BMPR1A: variants seen among roughly 807,000 people sequenced by gnomAD.
The protein encoded by BMPR1A is bone morphogenetic protein receptor type 1A.
BMPR1A carries 7 observed loss-of-function variants against 66.0 expected under a neutral mutation model. The observed-to-expected ratio is 0.11, with a 90% CI of 0.06 to 0.20. The LOEUF (loss-of-function observed/expected upper bound fraction) is 0.20. BMPR1A is among the 10% of genes least tolerant of loss of function. The pLI is 1.00. For missense variants in BMPR1A, 408 were observed against 669.1 expected (o/e 0.61, Z 4.31); for synonymous variants, 200 against 229.7 (o/e 0.87, Z 1.17).
chr10:86,919,812 A>G (rs1043564205), intron 10 of BMPR1A, among the ~76,000 whole-genome samples: 7 of 152,008 alleles, frequency 4.6e-5, no homozygotes, highest in South Asian at 2.1e-4. Flanking sequence ...GGCTCAAGCA[A>G]TCCTCCCACC....
chr10:86,907,125 A>C (rs955224391), intron 7 of BMPR1A, among the ~76,000 whole-genome samples: 4 of 152,214 alleles, frequency 2.6e-5, no homozygotes, highest in Non-Finnish European at 5.9e-5. Context: ...GTTCTGTGAA[A>C]GGCCCTCCTG....
rs373008497 is a variant in BMPR1A at position 86,776,601 on chromosome 10, G to C, written c.-268+19682G>C. Reference sequence around the variant, plus strand: ...GACCCCCTTTCCTTGGGCCTGGAGGGGTTATCCTTTACCCCCTTTGCTACT... The same window carrying C: ...GACCCCCTTTCCTTGGGCCTGGAGGCGTTATCCTTTACCCCCTTTGCTACT... On this transcript the variant is annotated intron_variant, in intron 1 of 12. Transcript: ENST00000372037. 2.4e-4 allele frequency among the ~76,000 whole-genome samples: 37 copies of C among 152,098 alleles called. 1 individual carries two copies. The East Asian group carries it at 4.6e-3, about 19-fold the overall frequency.
intron 2 of BMPR1A, among the ~76,000 whole-genome samples, chr10:86,856,422 T>C (rs112962663): frequency 5.3e-5 from 8 of 152,224 alleles, no homozygotes; most frequent in African/African-American, 1.4e-4. Flanking sequence ...GCCCACGTTA[T>C]CTTAAGGGTG....
At position 86,830,845 on chromosome 10, in the gene BMPR1A, G is replaced by GT. The variant is rs543451981; in HGVS notation, c.-267-8011dup. ...ATTTTGTTGAAGTTCAGTTTATCGT[G>GT]TTTTTTTTTCTTTCATGGATTGTAT... On this transcript the variant is annotated intron_variant, in intron 1 of 12. Coordinates refer to ENST00000372037, the MANE Select transcript of BMPR1A (RefSeq NM_004329.3). 1.4e-3 allele frequency among the ~76,000 whole-genome samples: 209 copies of GT among 149,876 alleles called. 1 individual carries two copies. Among genetic ancestry groups the GT allele is most frequent in the Middle Eastern group, 3.4e-3 (1 of 290 alleles).
At chr10:86,839,402 G>A (rs763155067) in intron 2 of BMPR1A, among the ~76,000 whole-genome samples, 1 of 152,090 alleles carries the variant, frequency 6.6e-6, no homozygotes, top group Non-Finnish European at 1.5e-5. Flanking sequence ...AGACCAGCCT[G>A]GCCAACATGG....
chr10:86,847,991 G>C (rs2133163265), intron 2 of BMPR1A, among the ~76,000 whole-genome samples: 1 of 151,428 alleles, frequency 6.6e-6, no homozygotes, highest in African/African-American at 2.4e-5. Flanking sequence ...GAGTACAGTG[G>C]TGCCATCTTG....
chr10:86,923,573 G>A (rs2133623471), intron 12 of BMPR1A, 21 bp from the exon 13 acceptor site: 3 of 1,614,202 alleles, frequency 1.9e-6, no homozygotes, highest in Non-Finnish European at 2.5e-6. Flanking sequence ...TCTGCTCACT[G>A]AACATCTCTT....
At chr10:86,855,630 G>T in intron 2 of BMPR1A, 1 of 657,444 alleles carries the variant, frequency 1.5e-6, no homozygotes, top group South Asian at 2.0e-5. Context: ...TGTAAAGGAA[G>T]TTCACATGTG....
intron 2 of BMPR1A, 135 bp from the exon 3 acceptor site, chr10:86,875,732 C>T: frequency 2.4e-6 from 1 of 419,684 alleles, no homozygotes. Flanking sequence ...AAAAAAAAAG[C>T]AAGGATACCT....
Position 86,862,034 on chromosome 10 carries a change from C to T in BMPR1A, c.-152-13833C>T, listed in dbSNP as rs1422190103. On this transcript the variant is annotated intron_variant, in intron 2 of 12. Coordinates refer to ENST00000372037, the MANE Select transcript of BMPR1A (RefSeq NM_004329.3). The stretch of plus-strand genomic sequence containing the variant: ...TTTAGTATCGACTCTGTGCCAGGCA[C>T]TGTTCCAGGTGCTAAAAATATAAAG... 2.6e-5 allele frequency among the ~76,000 whole-genome samples: 4 copies of T among 152,230 alleles called. No homozygotes were observed. The East Asian group carries it at 7.7e-4, about 29-fold the overall frequency.
chr10:86,802,887 G>A (rs752065740), intron 1 of BMPR1A, among the ~76,000 whole-genome samples: 5 of 151,300 alleles, frequency 3.3e-5, no homozygotes, highest in Admixed American at 1.3e-4. Context: ...CGTGGACAAC[G>A]TAGTGAGACT....
At chr10:86,800,025 C>T (rs1190973739) in intron 1 of BMPR1A, among the ~76,000 whole-genome samples, 1 of 152,004 alleles carries the variant, frequency 6.6e-6, no homozygotes, top group Admixed American at 6.6e-5. Flanking sequence ...GTAGATGAAC[C>T]ATGATTCTTT....
intron 1 of BMPR1A, among the ~76,000 whole-genome samples, chr10:86,784,874 A>G (rs1018733437): frequency 2.0e-5 from 3 of 151,356 alleles, no homozygotes; most frequent in Admixed American, 6.6e-5. Context: ...TCTGATTTTA[A>G]TTATTTGAGT....
At chr10:86,905,147 C>T (rs965008150) in intron 7 of BMPR1A, among the ~76,000 whole-genome samples, 25 of 152,134 alleles carry the variant, frequency 1.6e-4, no homozygotes, top group Admixed American at 9.8e-4. Flanking sequence ...AATTTAGATA[C>T]GTCTGCAATT....
intron 8 of BMPR1A, among the ~76,000 whole-genome samples, chr10:86,914,129 AAC>A (rs1843529171): frequency 2.6e-5 from 4 of 152,016 alleles, no homozygotes; most frequent in African/African-American, 9.7e-5. Flanking sequence ...AAAAAAAAAA[AAC>A]AAAAAGATGC....
rs182663646 is a variant in BMPR1A, at chr10:86,830,753, A to T, written c.-267-8112A>T. Among the ~76,000 whole-genome samples the T allele has an allele frequency of 4.7e-4, 72 of 152,068 alleles. 2 individuals carry two copies. In the East Asian group the frequency reaches 0.012, roughly 25 times the overall value. ...TATCACATATATTGTTAGCAAATAT[A>T]TTTTCCTAGCCTGTACCTCATTTTT... On this transcript the variant is annotated intron_variant, in intron 1 of 12. Coordinates refer to ENST00000372037, the MANE Select transcript of BMPR1A (RefSeq NM_004329.3).
chr10:86,781,857 CTTTTTTT>C (rs1162095658), intron 1 of BMPR1A, among the ~76,000 whole-genome samples: 16 of 84,224 alleles, frequency 1.9e-4, no homozygotes, highest in East Asian at 6.8e-4. Context: ...GACAGGATTT[CTTTTTTT>C]TTTTTTTTTT....
intron 1 of BMPR1A, among the ~76,000 whole-genome samples, chr10:86,774,797 C>G (rs900957976): frequency 1.3e-5 from 2 of 152,002 alleles, no homozygotes; most frequent in African/African-American, 2.4e-5. Context: ...GTCATTTACA[C>G]TAAATAAATC....
At chr10:86,859,357 T>TG (rs745907864) in intron 2 of BMPR1A, among the ~76,000 whole-genome samples, 5 of 151,996 alleles carry the variant, frequency 3.3e-5, no homozygotes, top group Non-Finnish European at 7.4e-5. Flanking sequence ...AGTATAGAGA[T>TG]GGGGTCTCAC....
Sources: gnomAD v4.1 joint callset for allele counts (sites outside exome capture counted in the v4.1 genomes callset) on GRCh38, gnomAD v4.1.1 for gene constraint, MANE v1.5 for transcripts, NCBI Gene and HGNC (gene_info 2026-07-23, HGNC 2026-07-21) for gene names.